Variants in LRRIQ1 observed in about 807,000 individuals in gnomAD.
The protein encoded by LRRIQ1 is leucine-rich repeat- and IQ domain-containing protein 1.
A neutral mutation model predicts 211.9 loss-of-function variants in LRRIQ1; 210 were observed. The observed-to-expected ratio is 0.99, with a 90% CI of 0.89 to 1.11. The LOEUF (loss-of-function observed/expected upper bound fraction) is 1.11, where lower values mean the gene tolerates loss of function less well. Among genes scored for constraint, LRRIQ1 ranks in the 50% most tolerant of loss-of-function variants. The pLI, the probability that LRRIQ1 is intolerant of heterozygous loss-of-function variation, is 0.00. For synonymous variants in LRRIQ1, 699 were observed against 650.1 expected (o/e 1.08, Z -1.14); for missense variants, 2,136 against 1,939.5 (o/e 1.10, Z -1.90).
At chr12:85,225,279 A>C (rs1317372438) in intron 24 of LRRIQ1, among the ~76,000 whole-genome samples, 1 of 152,200 alleles carries the variant, frequency 6.6e-6, no homozygotes, top group Admixed American at 6.5e-5. Flanking sequence ...GGACTTGAGC[A>C]TCCACCAATT....
chr12:85,147,251 A>G (rs562913998), intron 19 of LRRIQ1, among the ~76,000 whole-genome samples: 89 of 151,944 alleles, frequency 5.9e-4, no homozygotes, highest in Non-Finnish European at 1.0e-3. Flanking sequence ...CAATTTTCCA[A>G]CAGGAAGGGG....
At chr12:85,159,560 T>C (rs1190844473) in intron 23 of LRRIQ1, 1 of 151,864 alleles carries the variant, frequency 6.6e-6, no homozygotes, top group Non-Finnish European at 1.5e-5. Context: ...TTTTCCGGAG[T>C]CATACAACTA....
chr12:85,113,482 G>T (rs1887332865), intron 15 of LRRIQ1, among the ~76,000 whole-genome samples: 1 of 152,044 alleles, frequency 6.6e-6, no homozygotes, highest in Admixed American at 6.6e-5. Context: ...AAAAAATTTT[G>T]TTTATTGTTT....
the LRRIQ1 span, among the ~76,000 whole-genome samples, chr12:85,272,704 T>G: frequency 6.6e-6 from 1 of 152,252 alleles, no homozygotes; most frequent in East Asian, 1.9e-4. Flanking sequence ...TTTTGTGAAC[T>G]GAGAGAGCAA....
chr12:85,175,322 G>A (rs1891637571), intron 24 of LRRIQ1, among the ~76,000 whole-genome samples: 1 of 152,136 alleles, frequency 6.6e-6, no homozygotes, highest in African/African-American at 2.4e-5. Flanking sequence ...ATTCCATGAT[G>A]ACAGAGAACA....
chr12:85,197,844 T>C (rs1052666674), intron 24 of LRRIQ1, among the ~76,000 whole-genome samples: 2 of 136,092 alleles, frequency 1.5e-5, no homozygotes, highest in Non-Finnish European at 3.1e-5. Flanking sequence ...AAAAATATTA[T>C]ATTTATTATA....
At chr12:85,264,379 T>C (rs1416688317) in exon 2 of LRRIQ1, 2 of 152,040 alleles carry the variant, frequency 1.3e-5, no homozygotes, top group East Asian at 3.9e-4. Context: ...ATATTAACTT[T>C]GAGGATGATG....
chr12:85,120,337 T>C (rs1463152156), intron 15 of LRRIQ1, among the ~76,000 whole-genome samples: 1 of 152,190 alleles, frequency 6.6e-6, no homozygotes, highest in Non-Finnish European at 1.5e-5. Flanking sequence ...AAAGATCAGT[T>C]CGCTATATTT....
At chr12:85,119,949 C>T (rs1592832527) in intron 15 of LRRIQ1, among the ~76,000 whole-genome samples, 1 of 152,082 alleles carries the variant, frequency 6.6e-6, no homozygotes, top group East Asian at 1.9e-4. Flanking sequence ...AATGTTGTCT[C>T]CCAGTCTGTG....
chr12:85,077,490 T>C (rs1265870966), intron 11 of LRRIQ1, among the ~76,000 whole-genome samples: 1 of 152,208 alleles, frequency 6.6e-6, no homozygotes, highest in African/African-American at 2.4e-5. Flanking sequence ...GTGGCTATTG[T>C]TTGTTTTATT....
chr12:85,116,895 T>A (rs950087274), intron 15 of LRRIQ1, among the ~76,000 whole-genome samples: 3 of 149,224 alleles, frequency 2.0e-5, no homozygotes, highest in Non-Finnish European at 4.5e-5. Context: ...TTTTTTTTTT[T>A]TTATGGCTGC....
chr12:85,239,541 G>T (rs946291668), intron 26 of LRRIQ1, among the ~76,000 whole-genome samples: 2 of 151,798 alleles, frequency 1.3e-5, no homozygotes, highest in Non-Finnish European at 2.9e-5. Flanking sequence ...CAATTCAAGG[G>T]GGGGAAAGAT....
intron 23 of LRRIQ1, among the ~76,000 whole-genome samples, chr12:85,159,282 A>G (rs1271982921): frequency 6.6e-6 from 1 of 152,028 alleles, no homozygotes; most frequent in African/African-American, 2.4e-5. Flanking sequence ...ACTGTGTTAA[A>G]TGAAATGGAG....
At chr12:85,088,242 G>T (rs1423797208) in intron 11 of LRRIQ1, among the ~76,000 whole-genome samples, 5 of 152,252 alleles carry the variant, frequency 3.3e-5, no homozygotes, top group East Asian at 3.9e-4. Context: ...GTTTGTCAAA[G>T]ATCAGATGGT....
intron 11 of LRRIQ1, among the ~76,000 whole-genome samples, chr12:85,086,063 G>A: frequency 6.6e-6 from 1 of 152,134 alleles, no homozygotes; most frequent in East Asian, 1.9e-4. Flanking sequence ...GTGTATAAAT[G>A]TTCCCTTTTC....
In LRRIQ1 at chr12:85,127,856, A is replaced by G. The variant is rs769303990; in HGVS notation, c.4032A>G (p.Ser1344=). Residue 1344 remains serine, a synonymous_variant, in exon 18 of 27, where the codon TCA becomes TCG. Transcript: ENST00000393217. The part of the protein sequence containing the change: ...EKIMAAVVIQ[S]YWRGYLMRRQ... ...GTATGGCAGCTGTGGTAATCCAGTC[A>G]TACTGGCGTGGTTACCTCATGCGCA... 1.9e-6 allele frequency: 3 copies of G among 1,613,876 alleles called. No homozygotes were observed. In the Admixed American group the frequency reaches 5.0e-5, roughly 27 times the overall value.
chr12:85,257,546 A>G (rs1896155168), intron 1 of LRRIQ1, among the ~76,000 whole-genome samples: 1 of 151,604 alleles, frequency 6.6e-6, no homozygotes, highest in South Asian at 2.1e-4. Flanking sequence ...TTATTGGATT[A>G]CACTTTTGAT....
chr12:85,265,622 C>G (rs954790180), downstream of LRRIQ1, among the ~76,000 whole-genome samples: 3 of 151,882 alleles, frequency 2.0e-5, no homozygotes, highest in African/African-American at 7.3e-5. Flanking sequence ...AGCCACTAGA[C>G]AATTGTGATT....
the LRRIQ1 span, among the ~76,000 whole-genome samples, chr12:85,270,219 T>A: frequency 1.3e-5 from 2 of 152,148 alleles, no homozygotes; most frequent in Non-Finnish European, 1.5e-5. Flanking sequence ...AATAAACTTT[T>A]AAAAATACAT....
Sources: allele counts gnomAD v4.1 joint callset (sites outside exome capture counted in the v4.1 genomes callset), GRCh38; gene constraint gnomAD v4.1.1; transcripts MANE v1.5; gene names NCBI Gene and HGNC (gene_info 2026-07-23, HGNC 2026-07-21).